IGF1R: variants seen among roughly 807,000 people sequenced by gnomAD.
IGF1R encodes the protein insulin like growth factor 1 receptor.
IGF1R carries 44 observed loss-of-function variants against 144.6 expected under a neutral mutation model. The ratio of observed to expected loss-of-function variants is 0.30; its 90% CI spans 0.24 to 0.39. The LOEUF is 0.39. IGF1R is among the 10% of genes least tolerant of loss of function. IGF1R has a pLI of 1.00. For synonymous variants in IGF1R, 795 were observed against 722.8 expected, an observed-to-expected ratio of 1.10 and a Z score of -1.60; for missense variants, 1,355 against 1,833.7, an observed-to-expected ratio of 0.74 and a Z score of 4.77.
chr15:98,938,150 C>T (rs75697792), intron 17 of IGF1R, among the ~76,000 whole-genome samples: 201 of 152,334 alleles, frequency 1.3e-3, no homozygotes, highest in African/African-American at 4.5e-3. Flanking sequence ...CTATGTGCCA[C>T]GCACCACTGG....
At chr15:98,938,711 T>C (rs2016250757) in intron 17 of IGF1R, among the ~76,000 whole-genome samples, 1 of 152,212 alleles carries the variant, frequency 6.6e-6, no homozygotes, top group South Asian at 2.1e-4. Flanking sequence ...ATTAAATAAT[T>C]TATAACGATG....
At chr15:98,738,964 C>T (rs987413413) in intron 2 of IGF1R, among the ~76,000 whole-genome samples, 1 of 110,762 alleles carries the variant, frequency 9.0e-6, no homozygotes, top group Non-Finnish European at 1.9e-5. Flanking sequence ...CTCTTACATA[C>T]CAAAACACAA....
chr15:98,754,401 G>C (rs562723106), intron 2 of IGF1R, among the ~76,000 whole-genome samples: 1 of 152,312 alleles, frequency 6.6e-6, no homozygotes, highest in East Asian at 1.9e-4. Flanking sequence ...CTCCTGCCAG[G>C]AATCTGCCTG....
intron 2 of IGF1R, among the ~76,000 whole-genome samples, chr15:98,845,487 C>T (rs1288169837): frequency 7.8e-6 from 1 of 127,794 alleles, no homozygotes; most frequent in Non-Finnish European, 1.7e-5. Context: ...CTCCCTCCTC[C>T]TCCTTCCTTC....
At chr15:98,884,803 T>G (rs1172494472) in intron 2 of IGF1R, among the ~76,000 whole-genome samples, 1 of 152,068 alleles carries the variant, frequency 6.6e-6, no homozygotes, top group Non-Finnish European at 1.5e-5. Flanking sequence ...CTACTGAGGC[T>G]AGAATGCACA....
At chr15:98,953,522 G>A (rs1208381254) in intron 20 of IGF1R, among the ~76,000 whole-genome samples, 4 of 152,180 alleles carry the variant, frequency 2.6e-5, no homozygotes, top group Non-Finnish European at 5.9e-5. Flanking sequence ...AGATGAGCCA[G>A]GAGTGGCCCT....
rs2016095635 is a variant in IGF1R, at chr15:98,935,205, G to C, written c.3187-111G>C. The C allele has an allele frequency of 1.0e-6, 1 of 974,580 alleles. No homozygotes were observed. Among genetic ancestry groups the C allele is most frequent in the African/African-American group, 1.6e-5 (1 of 61,962 alleles). 60.4% of individuals were successfully genotyped at this position (974,580 alleles called of 1,614,324 possible). On this transcript the variant is annotated intron_variant, in intron 16 of 20. Coordinates refer to ENST00000650285, the MANE Select transcript of IGF1R (RefSeq NM_000875.5). This position sits in a 1 kb window ranked among gnomAD's most constrained non-coding sequence, Gnocchi z 4.2. Reference sequence around the variant, plus strand: ...CCCCATTACCTCACTGCTACCTTCAGACCCCTGTGCTCAGACCAGGCCGCA... The same window carrying C: ...CCCCATTACCTCACTGCTACCTTCACACCCCTGTGCTCAGACCAGGCCGCA...
In IGF1R at chr15:98,901,727, C is replaced by T. The variant is rs1243343825; in HGVS notation, c.1247+2106C>T. 2.6e-5 allele frequency among the ~76,000 whole-genome samples: 4 copies of T among 152,158 alleles called. No individual in the cohort carries two copies. In the East Asian group the frequency reaches 5.8e-4, roughly 22 times the overall value. On this transcript the variant is annotated intron_variant, in intron 5 of 20. Transcript: ENST00000650285. ...CTAGGCATGGAGAAGAGCCAGATAC[C>T]TGAGAAGATCAGACAGGCTTCTGAC...
Position 98,760,052 on chromosome 15 carries a change from G to A in IGF1R, c.640+51945G>A, listed in dbSNP as rs116723911. The stretch of plus-strand genomic sequence containing the variant: ...AATTGTGTTTCTCTTTTTAAATTGA[G>A]CATCTGACTGGGCGCGGTGGCTCAC... On this transcript the variant is annotated intron_variant, in intron 2 of 20. Transcript: ENST00000650285. Among the ~76,000 whole-genome samples the A allele has an allele frequency of 7.6e-3, 1,156 of 152,112 alleles. 13 individuals carry two copies. Among genetic ancestry groups the A allele is most frequent in the African/African-American group, 0.026 (1,092 of 41,506 alleles).
At chr15:98,843,487 C>T (rs185133352) in intron 2 of IGF1R, among the ~76,000 whole-genome samples, 7 of 152,064 alleles carry the variant, frequency 4.6e-5, no homozygotes, top group South Asian at 2.1e-4. Flanking sequence ...GCACTGAAAA[C>T]GAAATTTCAT....
chr15:98,812,240 T>C (rs1428029178), intron 2 of IGF1R, among the ~76,000 whole-genome samples: 17 of 152,200 alleles, frequency 1.1e-4, no homozygotes, highest in Admixed American at 1.1e-3. Flanking sequence ...GAAGCTCTCT[T>C]GGACAGCTGA....
chr15:98,653,082 A>G (rs375053034), intron 1 of IGF1R, among the ~76,000 whole-genome samples: 5 of 152,260 alleles, frequency 3.3e-5, no homozygotes, highest in Admixed American at 1.3e-4. Flanking sequence ...AGTTGCAGCA[A>G]TACAACAAAC....
At chr15:98,776,666 A>G (rs2055724442) in intron 2 of IGF1R, among the ~76,000 whole-genome samples, 1 of 152,160 alleles carries the variant, frequency 6.6e-6, no homozygotes, top group African/African-American at 2.4e-5. Flanking sequence ...ATTACCAGAC[A>G]TTGGTGCTGG....
chr15:98,720,656 A>C (rs1460150058), intron 2 of IGF1R, among the ~76,000 whole-genome samples: 1 of 152,208 alleles, frequency 6.6e-6, no homozygotes, highest in Non-Finnish European at 1.5e-5. Flanking sequence ...GAAGGAAATA[A>C]AGTGGTTAGG....
At chr15:98,721,908 C>T (rs1342931932) in intron 2 of IGF1R, among the ~76,000 whole-genome samples, 1 of 152,150 alleles carries the variant, frequency 6.6e-6, no homozygotes, top group Non-Finnish European at 1.5e-5. Context: ...CCCCATCATT[C>T]TTATTCATGT....
At chr15:98,892,834 G>A in intron 3 of IGF1R, among the ~76,000 whole-genome samples, 1 of 152,070 alleles carries the variant, frequency 6.6e-6, no homozygotes, top group East Asian at 1.9e-4. Flanking sequence ...TGGGCAACAT[G>A]CAAACCCCAT....
intron 2 of IGF1R, among the ~76,000 whole-genome samples, chr15:98,827,898 G>A (rs1706784403): frequency 6.6e-6 from 1 of 152,182 alleles, no homozygotes; most frequent in South Asian, 2.1e-4. Context: ...TCTTATTGTG[G>A]TATTCTGCAG....
At chr15:98,728,851 G>T (rs1414920555) in intron 2 of IGF1R, among the ~76,000 whole-genome samples, 1 of 152,234 alleles carries the variant, frequency 6.6e-6, no homozygotes, top group Non-Finnish European at 1.5e-5. Flanking sequence ...GGTGGTAGTA[G>T]AATCAGACAG....
At chr15:98,879,994 C>T (rs897220318) in intron 2 of IGF1R, among the ~76,000 whole-genome samples, 1 of 152,000 alleles carries the variant, frequency 6.6e-6, no homozygotes, top group Non-Finnish European at 1.5e-5. Context: ...GCATGGCTAA[C>T]GGGTATTGGG....
Sources: gnomAD v4.1 joint callset for allele counts (sites outside exome capture counted in the v4.1 genomes callset) on GRCh38, gnomAD v4.1.1 for gene constraint, Gnocchi (gnomAD v3.1) non-coding constraint, MANE v1.5 for transcripts, NCBI Gene and HGNC (gene_info 2026-07-23, HGNC 2026-07-21) for gene names.